Variants in CCDC66 observed in about 807,000 individuals in gnomAD.
CCDC66 encodes the protein coiled-coil domain-containing protein 66.
CCDC66 carries 133 observed loss-of-function variants against 128.3 expected under a neutral mutation model. The observed-to-expected ratio is 1.04, with a 90% CI of 0.90 to 1.20. The LOEUF (loss-of-function observed/expected upper bound fraction) is 1.20, where lower values mean the gene tolerates loss of function less well. Ranked by LOEUF, CCDC66 falls within the 50% of genes most tolerant of loss-of-function variation. CCDC66 has a pLI of 0.00. For synonymous variants in CCDC66, 387 were observed against 357.0 expected (o/e 1.08, Z -0.95); for missense variants, 1,126 against 1,075.5 (o/e 1.05, Z -0.66).
At chr3:56,617,672 A>G (rs1440390961) in intron 14 of CCDC66, 67 bp downstream of exon 14, 8 of 1,520,464 alleles carry the variant, frequency 5.3e-6, no homozygotes, top group East Asian at 4.5e-5. Flanking sequence ...TCTCATACGT[A>G]TGCTTTGGTA....
intron 10 of CCDC66, among the ~76,000 whole-genome samples, chr3:56,595,645 C>T (rs1404711904): frequency 3.3e-5 from 5 of 152,106 alleles, no homozygotes; most frequent in African/African-American, 9.7e-5. Context: ...TCTATTTGTT[C>T]ATCAATGGAC....
At chr3:56,596,636 C>G (rs1223739427) in intron 10 of CCDC66, among the ~76,000 whole-genome samples, 4 of 151,796 alleles carry the variant, frequency 2.6e-5, no homozygotes, top group Admixed American at 1.3e-4. Context: ...TGTTTTTGGT[C>G]CCTGTGTTTT....
intron 7 of CCDC66, among the ~76,000 whole-genome samples, chr3:56,574,519 C>T (rs2067106943): frequency 6.6e-6 from 1 of 151,744 alleles, no homozygotes; most frequent in Non-Finnish European, 1.5e-5. Context: ...GCTGTAGCCA[C>T]AACTATTTAT....
chr3:56,586,645 A>C (rs1265118429), intron 7 of CCDC66, among the ~76,000 whole-genome samples: 2 of 151,978 alleles, frequency 1.3e-5, no homozygotes, highest in African/African-American at 2.4e-5. Flanking sequence ...GCAAGATAAC[A>C]AGAATCAACT....
At chr3:56,562,928 T>C (rs1268240929) in intron 3 of CCDC66, among the ~76,000 whole-genome samples, 3 of 151,840 alleles carry the variant, frequency 2.0e-5, no homozygotes, top group Non-Finnish European at 4.4e-5. Context: ...ATTACAGGCA[T>C]GAGCCATTGC....
At chr3:56,559,511 A>G in intron 2 of CCDC66, 58 bp from the exon 3 acceptor site, 3 of 1,165,078 alleles carry the variant, frequency 2.6e-6, no homozygotes, top group East Asian at 2.7e-5. Context: ...GTTTTCTTGC[A>G]TTACCACCTT....
At position 56,613,620 on chromosome 3, in the gene CCDC66, G is replaced by T. The variant is rs190038122; in HGVS notation, c.1436G>T (p.Arg479Leu). ...ATCACTGCCCAGGTAGAAGAGAAGC[G>T]CAGGAAGAAACAACTGGAGGAAGAG... ...KAITAQVEEK[R>L]RKKQLEEEQR... Residue 479 changes from arginine (R) to leucine (L), a missense_variant, in exon 11 of 18, where the codon CGC becomes CTC. Coordinates refer to ENST00000394672, the MANE Select transcript of CCDC66 (RefSeq NM_001141947.3). The T allele has an allele frequency of 8.1e-6, 13 of 1,613,742 alleles. No homozygotes were observed. The South Asian group carries it at 1.2e-4, about 15-fold the overall frequency.
intron 3 of CCDC66, chr3:56,561,480 A>G (rs867246270): frequency 2.4e-5 from 8 of 328,358 alleles, no homozygotes; most frequent in Middle Eastern, 1.1e-3. Flanking sequence ...TTTTTTTTTT[A>G]AGAGTAACTA....
chr3:56,586,555 A>T (rs904249721), intron 7 of CCDC66, among the ~76,000 whole-genome samples: 1 of 151,404 alleles, frequency 6.6e-6, no homozygotes, highest in South Asian at 2.1e-4. Context: ...AAAAAAGAAA[A>T]CTAAAGTAAT....
chr3:56,564,308 A>G (rs897001108), intron 4 of CCDC66, among the ~76,000 whole-genome samples, 183 bp downstream of exon 4: 3 of 152,172 alleles, frequency 2.0e-5, no homozygotes, highest in African/African-American at 7.2e-5. Context: ...TAGTTGTGCC[A>G]TATTTTAAGG....
At chr3:56,562,633 A>G (rs1332991472) in intron 3 of CCDC66, among the ~76,000 whole-genome samples, 1 of 151,932 alleles carries the variant, frequency 6.6e-6, no homozygotes, top group African/African-American at 2.4e-5. Context: ...CACATTTTAT[A>G]TATATATATT....
rs1306734267 is a variant in CCDC66, at chr3:56,619,500, C to T, written c.2608C>T (p.Gln870Ter). 6.2e-6 allele frequency: 10 copies of T among 1,611,018 alleles called. No homozygotes were observed. Among genetic ancestry groups the T allele is most frequent in the Non-Finnish European group, 7.6e-6 (9 of 1,179,034 alleles). ...TGCACCATTGTCTGGGCCTTCAACC[C>T]AGGACCCTCAGTACCAAAATTCACA... ...PDAPLSGPST[Q>*]DPQYQNSQDC... The change falls in exon 16 of 18, where the codon CAG (glutamine) becomes TAG (stop). Residue 870 changes from glutamine to a stop codon, truncating the protein, a stop_gained. Coordinates refer to ENST00000394672, the MANE Select transcript of CCDC66 (RefSeq NM_001141947.3). LOFTEE classifies it high-confidence loss of function.
At chr3:56,572,510 C>A in intron 7 of CCDC66, 1 of 449,924 alleles carries the variant, frequency 2.2e-6, no homozygotes. Context: ...AGGAGAGAAT[C>A]TAAGTCCTCC....
chr3:56,577,009 A>G (rs997996681), intron 7 of CCDC66, among the ~76,000 whole-genome samples: 1 of 151,884 alleles, frequency 6.6e-6, no homozygotes, highest in African/African-American at 2.4e-5. Flanking sequence ...GTCTTCTACA[A>G]TGGCTGAACT....
Position 56,613,609 on chromosome 3 carries a change from A to G in CCDC66, c.1425A>G (p.Val475=). Residue 475 remains valine (V), a synonymous_variant, in exon 11 of 18, where the codon GTA becomes GTG. Transcript: ENST00000394672. ...LEHQKAITAQ[V]EEKRRKKQLE... is the part of the protein sequence containing the mutation. ...ACTAGAAAGCCATCACTGCCCAGGT[A>G]GAAGAGAAGCGCAGGAAGAAACAAC... 6.2e-7 allele frequency: 1 copy of G among 1,613,512 alleles called. No individual in the cohort carries two copies. Among genetic ancestry groups the G allele is most frequent in the Non-Finnish European group, 8.5e-7 (1 of 1,179,782 alleles).
At chr3:56,587,313 C>T (rs1325108155) in intron 7 of CCDC66, among the ~76,000 whole-genome samples, 1 of 151,832 alleles carries the variant, frequency 6.6e-6, no homozygotes, top group Non-Finnish European at 1.5e-5. Flanking sequence ...TTAGTTTGTT[C>T]TCTCATTACT....
At chr3:56,618,802 C>T (rs2075907827) in intron 15 of CCDC66, 1 of 160,856 alleles carries the variant, frequency 6.2e-6, no homozygotes, top group African/African-American at 2.4e-5. Context: ...AGTACACATA[C>T]CATAGCTAGT....
chr3:56,585,334 A>C (rs2069486954), intron 7 of CCDC66, among the ~76,000 whole-genome samples: 1 of 151,856 alleles, frequency 6.6e-6, no homozygotes, highest in Non-Finnish European at 1.5e-5. Context: ...CATTAAATTT[A>C]AAATACAGTG....
intron 1 of CCDC66, 137 bp downstream of exon 1, chr3:56,557,390 C>T (rs2064455643): frequency 8.4e-7 from 1 of 1,190,626 alleles, no homozygotes. Flanking sequence ...AGGGGCAGAG[C>T]CCAGTTCTCG....
Sources: allele counts gnomAD v4.1 joint callset (sites outside exome capture counted in the v4.1 genomes callset), GRCh38; gene constraint gnomAD v4.1.1; transcripts MANE v1.5; gene names NCBI Gene and HGNC (gene_info 2026-07-23, HGNC 2026-07-21).